The following CCDC122 variants were observed in gnomAD, a reference collection of about 807,000 sequenced individuals.
The protein encoded by CCDC122 is coiled-coil domain-containing protein 122.
In CCDC122, 38 loss-of-function variants were observed where a neutral mutation model predicts 37.0. That is an observed-to-expected ratio of 1.03 (90% CI 0.79 to 1.35). The LOEUF is 1.35. Among genes scored for constraint, CCDC122 ranks in the 40% most tolerant of loss-of-function variants. CCDC122 has a pLI of 0.00. For synonymous variants in CCDC122, 83 were observed against 95.6 expected, an observed-to-expected ratio of 0.87 and a Z score of 0.77; for missense variants, 305 against 310.0, an observed-to-expected ratio of 0.98 and a Z score of 0.12.
chr13:43,832,368 C>A (rs1158438195), downstream of CCDC122, among the ~76,000 whole-genome samples: 1 of 152,070 alleles, frequency 6.6e-6, no homozygotes, highest in Non-Finnish European at 1.5e-5. Context: ...GCAAATAGTT[C>A]CAAATCACTA....
At chr13:43,845,879 C>G (rs1953510357) in intron 6 of CCDC122, among the ~76,000 whole-genome samples, 2 of 152,262 alleles carry the variant, frequency 1.3e-5, no homozygotes, top group Middle Eastern at 3.4e-3. Context: ...AATCCTCTCT[C>G]TTTACCCACA....
At chr13:43,832,800 C>G (rs980366445), downstream of CCDC122, among the ~76,000 whole-genome samples, 2 of 152,120 alleles carry the variant, frequency 1.3e-5, no homozygotes, top group Admixed American at 6.5e-5. Flanking sequence ...GTGATGAAAT[C>G]TTAGGCAAGT....
At chr13:43,826,974 AT>A (rs1190244576) in intron 3 of CCDC122, among the ~76,000 whole-genome samples, 1 of 152,194 alleles carries the variant, frequency 6.6e-6, no homozygotes, top group Non-Finnish European at 1.5e-5. Context: ...AACTGTTATG[AT>A]TTCCATTTTT....
chr13:43,819,918 G>A (rs999142096), downstream of CCDC122, among the ~76,000 whole-genome samples: 5 of 151,712 alleles, frequency 3.3e-5, no homozygotes, highest in Non-Finnish European at 5.9e-5. Flanking sequence ...TTGTCTGTTC[G>A]TTGCCAGTAG....
At chr13:43,832,573 G>A (rs531037156), downstream of CCDC122, among the ~76,000 whole-genome samples, 11 of 152,162 alleles carry the variant, frequency 7.2e-5, no homozygotes, top group African/African-American at 2.2e-4. Context: ...CTCATGAACT[G>A]TTACCTATGC....
chr13:43,859,123 A>G (rs1954023954), intron 5 of CCDC122, among the ~76,000 whole-genome samples: 1 of 152,182 alleles, frequency 6.6e-6, no homozygotes, highest in Non-Finnish European at 1.5e-5. Flanking sequence ...TAAGACAAAA[A>G]GGAAAGTGGT....
At chr13:43,853,315 CAG>C (rs1428038756) in intron 6 of CCDC122, among the ~76,000 whole-genome samples, 2 of 151,678 alleles carry the variant, frequency 1.3e-5, no homozygotes, top group Non-Finnish European at 2.9e-5. Context: ...AATGGAAAAA[CAG>C]AAAAAAAATC....
downstream of CCDC122, among the ~76,000 whole-genome samples, chr13:43,835,689 T>C (rs1953144882): frequency 6.6e-6 from 1 of 152,232 alleles, no homozygotes; most frequent in African/African-American, 2.4e-5. Context: ...ACAAATATTT[T>C]GAATCTCAAT....
chr13:43,876,240 C>A (rs1954607016), intron 1 of CCDC122, among the ~76,000 whole-genome samples: 1 of 152,192 alleles, frequency 6.6e-6, no homozygotes. Context: ...CTAACAGAAG[C>A]TTTTAGCAAG....
chr13:43,863,410 T>C (rs1954174239), intron 4 of CCDC122, among the ~76,000 whole-genome samples: 1 of 152,234 alleles, frequency 6.6e-6, no homozygotes, highest in Admixed American at 6.5e-5. Context: ...ATTAGTTTAT[T>C]AGTTCATCTA....
downstream of CCDC122, among the ~76,000 whole-genome samples, chr13:43,831,588 A>T (rs1953090194): frequency 6.6e-6 from 1 of 152,210 alleles, no homozygotes; most frequent in Non-Finnish European, 1.5e-5. Flanking sequence ...AAAATGTTTA[A>T]AAATTCATCT....
intron 3 of CCDC122, among the ~76,000 whole-genome samples, chr13:43,828,570 A>G (rs1328160115): frequency 6.7e-6 from 1 of 148,538 alleles, no homozygotes; most frequent in Non-Finnish European, 1.5e-5. Context: ...ACACACACAC[A>G]CACACACACA....
downstream of CCDC122, among the ~76,000 whole-genome samples, chr13:43,819,456 T>A (rs1952979863): frequency 6.6e-6 from 1 of 152,206 alleles, no homozygotes; most frequent in South Asian, 2.1e-4. Flanking sequence ...TCATTAAAAG[T>A]TGAATAATCC....
chr13:43,843,496 G>A (rs1206762143), intron 6 of CCDC122, among the ~76,000 whole-genome samples: 1 of 151,730 alleles, frequency 6.6e-6, no homozygotes, highest in East Asian at 1.9e-4. Context: ...TACTCATGAG[G>A]GACATTGGTC....
Position 43,869,464 on chromosome 13 carries a change from T to G in CCDC122, c.-88A>C, listed in dbSNP as rs1023512309. 9.1e-7 allele frequency: 1 copy of G among 1,096,056 alleles called. No homozygotes were observed. Among genetic ancestry groups the G allele is most frequent in the Non-Finnish European group, 1.3e-6 (1 of 751,794 alleles). The allele number at this position is 1,096,056 out of a possible 1,614,324, so 67.9% of individuals were successfully genotyped here. On this transcript the variant is annotated 5_prime_UTR_variant, in exon 3 of 7. Transcript: ENST00000444614. ...CTATATTGATAATCTTTCACTTTTG[T>G]TTTTTCCTGTTGTATATTGGTGATC...
downstream of CCDC122, among the ~76,000 whole-genome samples, chr13:43,835,856 C>T (rs1428029840): frequency 2.6e-5 from 4 of 152,152 alleles, no homozygotes; most frequent in African/African-American, 2.4e-5. Flanking sequence ...AGTGTGTACT[C>T]CCCACAATCT....
chr13:43,838,410 C>G (rs994683412), intron 6 of CCDC122, among the ~76,000 whole-genome samples: 7 of 152,164 alleles, frequency 4.6e-5, no homozygotes, highest in African/African-American at 9.7e-5. Flanking sequence ...CGAGGATACA[C>G]TGGAAGGCAA....
chr13:43,875,764 G>A lies in CCDC122; in HGVS notation c.-199-837C>T, dbSNP rs118066719. On this transcript the variant is annotated intron_variant, in intron 1 of 6. Coordinates refer to ENST00000444614, the MANE Select transcript of CCDC122 (RefSeq NM_144974.5). ...GACTAACAAAAAGAAGCCATAGAAT[G>A]CTCCACTTCTAGTTAGCCTGCCTGC... 9.9e-3 allele frequency among the ~76,000 whole-genome samples: 1,504 copies of A among 152,262 alleles called. 7 individuals carry two copies. The highest frequency in any genetic ancestry group is 0.024 in the Middle Eastern group (7 of 294).
downstream of CCDC122, among the ~76,000 whole-genome samples, chr13:43,821,516 G>A (rs1952992287): frequency 6.6e-6 from 1 of 152,182 alleles, no homozygotes; most frequent in Non-Finnish European, 1.5e-5. Context: ...AAGCCACTAG[G>A]CCTGGCCCTT....
Sources: gnomAD v4.1 joint callset for allele counts (sites outside exome capture counted in the v4.1 genomes callset) on GRCh38, gnomAD v4.1.1 for gene constraint, MANE v1.5 for transcripts, NCBI Gene and HGNC (gene_info 2026-07-23, HGNC 2026-07-21) for gene names.